ZNF536: variants seen among roughly 807,000 people sequenced by gnomAD.
The protein encoded by ZNF536 is zinc finger protein 536.
A neutral mutation model predicts 84.5 loss-of-function variants in ZNF536; 13 were observed. The observed-to-expected ratio is 0.15, with a 90% CI of 0.10 to 0.24. The LOEUF (loss-of-function observed/expected upper bound fraction) is 0.24. Ranked by LOEUF, ZNF536 falls within the 10% of genes least tolerant of loss-of-function variation. The pLI, the probability that ZNF536 is intolerant of heterozygous loss-of-function variation, is 1.00. For synonymous variants in ZNF536, 811 were observed against 742.5 expected (o/e 1.09, Z -1.50); for missense variants, 1,536 against 1,747.5 (o/e 0.88, Z 2.16).
At chr19:30,611,188 G>T (rs868531758) in intron 1 of ZNF536, among the ~76,000 whole-genome samples, 2 of 152,296 alleles carry the variant, frequency 1.3e-5, no homozygotes, top group South Asian at 4.1e-4. Context: ...ATTTGACATT[G>T]CAGGGCATCT....
intron 1 of ZNF536, among the ~76,000 whole-genome samples, chr19:30,427,537 T>G (rs996280696): frequency 4.6e-5 from 7 of 152,022 alleles, no homozygotes; most frequent in Non-Finnish European, 8.8e-5. Context: ...CAATGTGAAC[T>G]TGTTGGTTGG....
intron 1 of ZNF536, among the ~76,000 whole-genome samples, chr19:30,582,815 A>G (rs2046969238): frequency 6.6e-6 from 1 of 152,128 alleles, no homozygotes; most frequent in Non-Finnish European, 1.5e-5. Context: ...CTTATTTGCT[A>G]CCATGAAAAC....
intron 1 of ZNF536, among the ~76,000 whole-genome samples, chr19:30,376,313 G>A (rs987092154): frequency 6.6e-6 from 1 of 152,268 alleles, no homozygotes; most frequent in Admixed American, 6.5e-5. Flanking sequence ...TTGCCCTGGT[G>A]TATTTGCCTT....
intron 1 of ZNF536, among the ~76,000 whole-genome samples, chr19:30,238,791 A>G (rs2023729221): frequency 6.7e-6 from 1 of 149,876 alleles, no homozygotes; most frequent in Non-Finnish European, 1.5e-5. Context: ...AAATGAAAGC[A>G]GTGATGTTCT....
intron 2 of ZNF536, among the ~76,000 whole-genome samples, chr19:30,519,567 C>T (rs1046865736): frequency 6.6e-6 from 1 of 152,212 alleles, no homozygotes; most frequent in Non-Finnish European, 1.5e-5. Flanking sequence ...TCCAGCTTTC[C>T]TTCCTGGAGA....
chr19:30,249,381 G>A (rs78300803), intron 1 of ZNF536, among the ~76,000 whole-genome samples: 3,435 of 148,766 alleles, frequency 0.023, 109 homozygotes, highest in African/African-American at 0.081. Flanking sequence ...AGGAGGAGGG[G>A]GAGGAGGAGG....
In ZNF536 at chr19:30,401,487, C is replaced by T. The variant is rs371034951; in HGVS notation, c.-3+28931C>T. Reference sequence around the variant, plus strand: ...GTGGGGTTTGCTCTGCACAGGAGCACGTGTGAAGGACTTTACCCACTGCTT... The same window carrying T: ...GTGGGGTTTGCTCTGCACAGGAGCATGTGTGAAGGACTTTACCCACTGCTT... On this transcript the variant is annotated intron_variant, in intron 1 of 4. Transcript: ENST00000355537. 1.5e-3 allele frequency among the ~76,000 whole-genome samples: 226 copies of T among 152,282 alleles called. 2 individuals carry two copies. The highest frequency in any genetic ancestry group is 5.0e-3 in the African/African-American group (206 of 41,560).
At chr19:30,263,865 AACACACACACACACAT>A (rs1336644373) in intron 1 of ZNF536, among the ~76,000 whole-genome samples, 1 of 133,310 alleles carries the variant, frequency 7.5e-6, no homozygotes, top group Non-Finnish European at 1.5e-5. Flanking sequence ...CTGAAATTTA[AACACACACACACACAT>A]ACACACACAC....
intron 1 of ZNF536, among the ~76,000 whole-genome samples, chr19:30,573,421 T>C (rs2046621011): frequency 6.6e-6 from 1 of 152,180 alleles, no homozygotes; most frequent in Non-Finnish European, 1.5e-5. Flanking sequence ...GATGTGTCTT[T>C]TGAGGCTGAC....
intron 1 of ZNF536, among the ~76,000 whole-genome samples, chr19:30,589,085 G>A (rs1001883410): frequency 2.0e-5 from 3 of 152,138 alleles, no homozygotes; most frequent in African/African-American, 7.2e-5. Flanking sequence ...GAGAAAGTTA[G>A]AGGACATTAG....
intron 1 of ZNF536, among the ~76,000 whole-genome samples, chr19:30,395,411 C>A (rs1483751346): frequency 6.6e-6 from 1 of 152,184 alleles, no homozygotes; most frequent in Non-Finnish European, 1.5e-5. Flanking sequence ...AAAACCCAGC[C>A]CTGCTGGTGG....
At chr19:30,609,895 TATCCATCCATCCATCCATCCATCCATCC>T (rs202076068) in intron 1 of ZNF536, among the ~76,000 whole-genome samples, 1 of 140,972 alleles carries the variant, frequency 7.1e-6, no homozygotes, top group African/African-American at 2.7e-5. Flanking sequence ...TCCACCCATT[TATCCATCCATCCATCCATCCATCCATCC>T]ATCCATCCAT....
chr19:30,627,198 G>A (rs1042838234), intron 1 of ZNF536, among the ~76,000 whole-genome samples: 11 of 152,060 alleles, frequency 7.2e-5, no homozygotes, highest in Non-Finnish European at 7.4e-5. Context: ...CTGGCTGGGT[G>A]CTCACGCCTA....
At chr19:30,504,033 T>G (rs2145375807) in intron 2 of ZNF536, among the ~76,000 whole-genome samples, 1 of 152,158 alleles carries the variant, frequency 6.6e-6, no homozygotes, top group Non-Finnish European at 1.5e-5. Context: ...GTTAATATCC[T>G]TAGCATAGAG....
intron 1 of ZNF536, among the ~76,000 whole-genome samples, chr19:30,231,554 G>A (rs539908448): frequency 1.1e-4 from 17 of 152,284 alleles, no homozygotes; most frequent in African/African-American, 4.1e-4. Flanking sequence ...AGGAGTGGGA[G>A]GGAGGTCTCT....
intron 1 of ZNF536, among the ~76,000 whole-genome samples, chr19:30,268,136 C>T (rs550674175): frequency 9.6e-5 from 14 of 145,124 alleles, no homozygotes; most frequent in Middle Eastern, 3.8e-3. Flanking sequence ...TCTCATTTTC[C>T]TGAGATCCTT....
At chr19:30,663,636 G>T (rs905058380) in intron 1 of ZNF536, among the ~76,000 whole-genome samples, 38 of 152,082 alleles carry the variant, frequency 2.5e-4, no homozygotes, top group African/African-American at 8.4e-4. Context: ...GCCTTGTTCT[G>T]TCCTGAAATG....
chr19:30,708,071 A>C (rs1600348964), intron 1 of ZNF536, among the ~76,000 whole-genome samples: 1 of 152,146 alleles, frequency 6.6e-6, no homozygotes, highest in African/African-American at 2.4e-5. Flanking sequence ...AAGGTGATAC[A>C]AGAATATAAT....
rs1281199641 is a variant in ZNF536 at position 30,618,817 on chromosome 19, A to G, written c.169+69303A>G. 3.3e-5 allele frequency among the ~76,000 whole-genome samples: 5 copies of G among 151,980 alleles called. No homozygotes were observed. The East Asian group carries it at 7.7e-4, about 23-fold the overall frequency. On this transcript the variant is annotated intron_variant, in intron 1 of 1. Transcript: ENST00000592773. ...GATTCTTTTTTTTTCCTTGAAATCT[A>G]AAATGCTCCAGGATTTTCTAAGACT... is the stretch of plus-strand genomic sequence containing the variant.
Sources: gnomAD v4.1 joint callset for allele counts (sites outside exome capture counted in the v4.1 genomes callset) on GRCh38, gnomAD v4.1.1 for gene constraint, MANE v1.5 for transcripts, NCBI Gene and HGNC (gene_info 2026-07-23, HGNC 2026-07-21) for gene names.